The following PLEKHA5 variants were observed in gnomAD, a reference collection of about 807,000 sequenced individuals.
PLEKHA5 encodes the protein pleckstrin homology domain-containing family A member 5.
In PLEKHA5, 55 loss-of-function variants were observed where a neutral mutation model predicts 181.9. The ratio of observed to expected loss-of-function variants is 0.30; its 90% confidence interval spans 0.24 to 0.38. The LOEUF is 0.38. Among genes scored for constraint, PLEKHA5 ranks in the 10% least tolerant of loss-of-function variants. PLEKHA5 has a pLI of 1.00. For missense variants in PLEKHA5, 1,432 were observed against 1,549.5 expected (o/e 0.92, Z 1.27); for synonymous variants, 535 against 529.4 (o/e 1.01, Z -0.15).
chr12:19,334,868 A>ATATATC (rs1279488392), intron 20 of PLEKHA5, among the ~76,000 whole-genome samples: 2 of 52,496 alleles, frequency 3.8e-5, no homozygotes, highest in African/African-American at 1.1e-4. Context: ...ATATATATAT[A>ATATATC]TCTCTGTATA....
At chr12:19,143,418 T>C (rs2038005599) in intron 3 of PLEKHA5, among the ~76,000 whole-genome samples, 1 of 152,196 alleles carries the variant, frequency 6.6e-6, no homozygotes, top group Non-Finnish European at 1.5e-5. Context: ...TTTTTTCTTA[T>C]AGAAGCAATT....
intron 3 of PLEKHA5, among the ~76,000 whole-genome samples, chr12:19,206,631 A>C (rs2055606940): frequency 1.3e-5 from 2 of 152,100 alleles, no homozygotes; most frequent in African/African-American, 4.8e-5. Flanking sequence ...TTCAAATGCC[A>C]GGCAATTATG....
At chr12:19,266,263 C>T (rs1416667546) in intron 8 of PLEKHA5, among the ~76,000 whole-genome samples, 5 of 150,896 alleles carry the variant, frequency 3.3e-5, no homozygotes, top group Non-Finnish European at 7.4e-5. Flanking sequence ...CACTTGAGTC[C>T]AGGAGTTGAG....
At chr12:19,233,988 G>GTTGT (rs759046811) in intron 3 of PLEKHA5, among the ~76,000 whole-genome samples, 1 of 152,226 alleles carries the variant, frequency 6.6e-6, no homozygotes, top group Admixed American at 6.5e-5. Flanking sequence ...AATTGAGAAA[G>GTTGT]TTAAACTTGT....
At chr12:19,293,224 G>A (rs12827950) in intron 15 of PLEKHA5, among the ~76,000 whole-genome samples, 3,457 of 152,230 alleles carry the variant, frequency 0.023, 67 homozygotes, top group Middle Eastern at 0.065. Context: ...CTTTAAATTA[G>A]TTGTATTTAA....
intron 4 of PLEKHA5, 80 bp downstream of exon 4, chr12:19,254,103 G>A (rs2066167449): frequency 4.7e-6 from 4 of 849,818 alleles, no homozygotes; most frequent in Middle Eastern, 2.3e-4. Flanking sequence ...TTTCAATTTA[G>A]CAGTTTTCTT....
chr12:19,203,952 C>T (rs1017652989), intron 3 of PLEKHA5, among the ~76,000 whole-genome samples: 15 of 152,040 alleles, frequency 9.9e-5, no homozygotes, highest in African/African-American at 2.9e-4. Flanking sequence ...ACAGAACTAC[C>T]GCACCCCCAT....
intron 3 of PLEKHA5, among the ~76,000 whole-genome samples, chr12:19,136,740 A>G (rs1163391624): frequency 1.3e-5 from 2 of 152,248 alleles, no homozygotes; most frequent in East Asian, 3.9e-4. Context: ...ATAGTATGCA[A>G]ATTTTTTAAG....
At chr12:19,152,035 T>G (rs1725174341) in intron 3 of PLEKHA5, 1 of 151,902 alleles carries the variant, frequency 6.6e-6, no homozygotes, top group Non-Finnish European at 1.5e-5. Context: ...CCCGGCTAAT[T>G]TTTTGTACTT....
chr12:19,200,249 A>G (rs2053892181), intron 3 of PLEKHA5: 1 of 1,028,574 alleles, frequency 9.7e-7, no homozygotes, highest in South Asian at 1.5e-5. Flanking sequence ...TCCCCCTTAA[A>G]TATGTATAGA....
intron 23 of PLEKHA5, among the ~76,000 whole-genome samples, chr12:19,346,339 C>G (rs562924665): frequency 6.7e-6 from 1 of 150,202 alleles, no homozygotes; most frequent in South Asian, 2.1e-4. Context: ...TTTTTTTTTT[C>G]CTCTCTTAAA....
intron 3 of PLEKHA5, among the ~76,000 whole-genome samples, chr12:19,229,514 G>A (rs1267747969): frequency 6.6e-6 from 1 of 151,938 alleles, no homozygotes; most frequent in African/African-American, 2.4e-5. Context: ...TGTTCCTCCT[G>A]TCTAGAGTTG....
intron 21 of PLEKHA5, among the ~76,000 whole-genome samples, chr12:19,340,995 G>A (rs940905499): frequency 1.3e-5 from 2 of 151,980 alleles, no homozygotes; most frequent in Non-Finnish European, 2.9e-5. Flanking sequence ...AAGTTGGCTG[G>A]GCACAGTGGC....
At chr12:19,232,578 T>C (rs902318408) in intron 3 of PLEKHA5, among the ~76,000 whole-genome samples, 4 of 152,254 alleles carry the variant, frequency 2.6e-5, no homozygotes, top group Admixed American at 6.5e-5. Context: ...AGTAAGCAAA[T>C]GTATTTTAGA....
At chr12:19,359,323 G>A in intron 27 of PLEKHA5, 89 bp from the exon 28 acceptor site, 1 of 1,178,136 alleles carries the variant, frequency 8.5e-7, no homozygotes. Context: ...ATCCAGCTTT[G>A]TTCTATTTTG....
intron 20 of PLEKHA5, 103 bp downstream of exon 20, chr12:19,322,770 T>A: frequency 1.4e-6 from 1 of 691,230 alleles, no homozygotes; most frequent in Non-Finnish European, 2.4e-6. Context: ...TTCTTCTATA[T>A]TATTATAGCA....
chr12:19,362,281 C>A (rs1362715533), intron 29 of PLEKHA5, among the ~76,000 whole-genome samples: 3 of 151,722 alleles, frequency 2.0e-5, no homozygotes, highest in Non-Finnish European at 4.4e-5. Flanking sequence ...TGCCTGTAAT[C>A]CCAGCACTTT....
At chr12:19,280,870 C>G (rs186142796) in intron 11 of PLEKHA5, among the ~76,000 whole-genome samples, 84 of 152,062 alleles carry the variant, frequency 5.5e-4, no homozygotes, top group African/African-American at 1.9e-3. Context: ...GTCACCACAC[C>G]TGGCTGATTT....
At chr12:19,216,775 G>A (rs2058053835) in intron 3 of PLEKHA5, among the ~76,000 whole-genome samples, 3 of 151,964 alleles carry the variant, frequency 2.0e-5, no homozygotes, top group Non-Finnish European at 2.9e-5. Flanking sequence ...AAATGAAGGT[G>A]AGACATAGGT....
Sources: gnomAD v4.1 joint callset for allele counts (sites outside exome capture counted in the v4.1 genomes callset) on GRCh38, gnomAD v4.1.1 for gene constraint, MANE v1.5 for transcripts, NCBI Gene and HGNC (gene_info 2026-07-23, HGNC 2026-07-21) for gene names.